The following ACBD6 variants were observed in gnomAD, a reference collection of about 807,000 sequenced individuals.
ACBD6 encodes acyl-CoA binding domain containing 6.
Under a neutral mutation model 37.2 loss-of-function variants are expected in ACBD6, and 28 were observed. The observed-to-expected ratio is 0.75, with a 90% CI of 0.56 to 1.03. ACBD6 has a LOEUF of 1.03. Among genes scored for constraint, ACBD6 ranks in the 50% least tolerant of loss-of-function variants. ACBD6 has a pLI of 0.00. For synonymous variants in ACBD6, 113 were observed against 126.8 expected (o/e 0.89, Z 0.73); for missense variants, 340 against 337.4 (o/e 1.01, Z -0.06).
chr1:180,273,873 C>T (rs1409178746), intron 11 of ACBD6: 2 of 400,408 alleles, frequency 5.0e-6, no homozygotes, highest in African/African-American at 4.1e-5. Flanking sequence ...CAGCCTTAGG[C>T]ATTCATCCTC....
In ACBD6 at chr1:180,433,061, G is replaced by T. The variant is rs560917610; in HGVS notation, c.385-2799C>A. On this transcript the variant is annotated intron_variant, in intron 3 of 7. Transcript: ENST00000367595. The stretch of plus-strand genomic sequence containing the variant: ...GAACACTTCTAACTCATTTTATGAG[G>T]TCTTATCCTCACATCAAAGCCAAAA... Among the ~76,000 whole-genome samples the T allele has an allele frequency of 6.6e-5, 10 of 152,150 alleles. No individual in the cohort carries two copies. The South Asian group carries it at 2.1e-3, about 32-fold the overall frequency.
chr1:180,296,114 T>G (rs927982270), intron 7 of ACBD6, among the ~76,000 whole-genome samples: 1 of 152,190 alleles, frequency 6.6e-6, no homozygotes, highest in Non-Finnish European at 1.5e-5. Flanking sequence ...AACAGCCTTA[T>G]TGCTGATTTA....
chr1:180,497,822 C>T (rs1034486523), intron 1 of ACBD6, among the ~76,000 whole-genome samples: 1 of 152,032 alleles, frequency 6.6e-6, no homozygotes, highest in African/African-American at 2.4e-5. Flanking sequence ...GAAGAAAATT[C>T]GGCTTCACGC....
downstream of ACBD6, among the ~76,000 whole-genome samples, chr1:180,284,684 T>C (rs1225430119): frequency 6.6e-6 from 1 of 152,092 alleles, no homozygotes; most frequent in East Asian, 1.9e-4. Context: ...TTAAGGTCTT[T>C]ATGGTATAAA....
rs1653533597 is a variant in ACBD6 at position 180,378,761 on chromosome 1, C to T, written c.663+18755G>A. On this transcript the variant is annotated intron_variant, in intron 6 of 7. Coordinates refer to ENST00000367595, the MANE Select transcript of ACBD6 (RefSeq NM_032360.4). The stretch of plus-strand genomic sequence containing the variant: ...GAGGTTGGGCCCACCCAGCCCACCA[C>T]TGCCACCATAGATGGCACCCCCCAG... Among the ~76,000 whole-genome samples, 3 of 152,188 alleles carry T rather than the reference C, an allele frequency of 2.0e-5. No homozygotes were observed. The South Asian group carries it at 6.2e-4, about 31-fold the overall frequency.
intron 4 of ACBD6, among the ~76,000 whole-genome samples, chr1:180,423,994 A>G (rs1332871970): frequency 6.6e-6 from 1 of 152,228 alleles, no homozygotes; most frequent in Admixed American, 6.5e-5. Flanking sequence ...TTACCAGGAA[A>G]GTACATTTTT....
rs1403607716 is a variant in ACBD6 at position 180,502,189 on chromosome 1, C to G, written c.78G>C (p.Gly26=). Residue 26 remains glycine (G), a synonymous_variant, in exon 1 of 8, where the codon GGG becomes GGC. Coordinates refer to ENST00000367595, the MANE Select transcript of ACBD6 (RefSeq NM_032360.4). ...CAGGGCTATGGGGGAACTCCACCTC[C>G]CCGGAGTCGTCCCCTGAGCTCAGCT... is the stretch of plus-strand genomic sequence containing the variant. ...GGELSSGDDS[G]EVEFPHSPEI... is the part of the protein sequence containing the mutation. 1.2e-6 allele frequency: 2 copies of G among 1,614,102 alleles called. No individual in the cohort carries two copies. Among genetic ancestry groups the G allele is most frequent in the East Asian group, 2.2e-5 (1 of 44,884 alleles).
chr1:180,303,289 AC>A (rs1650208834), intron 7 of ACBD6, among the ~76,000 whole-genome samples: 1 of 150,738 alleles, frequency 6.6e-6, no homozygotes, highest in African/African-American at 2.4e-5. Context: ...GACACAAAAA[AC>A]CCTTCAAAAA....
chr1:180,401,180 T>A (rs1218397279), intron 5 of ACBD6, among the ~76,000 whole-genome samples: 1 of 152,164 alleles, frequency 6.6e-6, no homozygotes, highest in Non-Finnish European at 1.5e-5. Flanking sequence ...CCACGAACAC[T>A]GGAGAGCCCT....
chr1:180,346,207 G>A (rs1245781349), intron 6 of ACBD6, among the ~76,000 whole-genome samples: 3 of 152,202 alleles, frequency 2.0e-5, no homozygotes, highest in Non-Finnish European at 4.4e-5. Flanking sequence ...ACTACATCGT[G>A]GAGTAATCTT....
chr1:180,468,016 A>C (rs941688000), intron 3 of ACBD6, among the ~76,000 whole-genome samples: 4 of 152,198 alleles, frequency 2.6e-5, no homozygotes, highest in African/African-American at 9.6e-5. Flanking sequence ...CAGAATATGA[A>C]GGATGAGAGG....
chr1:180,385,023 A>C (rs149783009), intron 6 of ACBD6, among the ~76,000 whole-genome samples: 221 of 152,294 alleles, frequency 1.5e-3, no homozygotes, highest in African/African-American at 5.0e-3. Context: ...GGAGGTAGTG[A>C]TGAAAAGAGT....
At chr1:180,295,062 A>G (rs149981093) in intron 7 of ACBD6, among the ~76,000 whole-genome samples, 2 of 152,160 alleles carry the variant, frequency 1.3e-5, no homozygotes, top group East Asian at 3.9e-4. Context: ...GATCTTTACA[A>G]ACAACCAGTT....
intron 6 of ACBD6, among the ~76,000 whole-genome samples, chr1:180,368,178 T>C (rs1653121176): frequency 6.6e-6 from 1 of 152,224 alleles, no homozygotes; most frequent in Non-Finnish European, 1.5e-5. Context: ...GTTGGCTTCA[T>C]GTATGTCTTC....
At chr1:180,303,332 A>G (rs1394902423) in intron 7 of ACBD6, among the ~76,000 whole-genome samples, 1 of 150,914 alleles carries the variant, frequency 6.6e-6, no homozygotes, top group African/African-American at 2.4e-5. Flanking sequence ...TTTTTTGAAA[A>G]GATCAACAAA....
At chr1:180,361,916 C>T (rs947303006) in intron 6 of ACBD6, among the ~76,000 whole-genome samples, 1 of 151,904 alleles carries the variant, frequency 6.6e-6, no homozygotes, top group African/African-American at 2.4e-5. Context: ...TCCCCCCACC[C>T]CCATTCAATA....
chr1:180,396,175 T>C (rs1401632330), intron 6 of ACBD6, among the ~76,000 whole-genome samples: 2 of 152,102 alleles, frequency 1.3e-5, no homozygotes, highest in Non-Finnish European at 2.9e-5. Flanking sequence ...TGTTTAATGG[T>C]TAGAGTTTCA....
chr1:180,392,372 T>C lies in ACBD6; in HGVS notation c.663+5144A>G, dbSNP rs918925486. On this transcript the variant is annotated intron_variant, in intron 6 of 7. Coordinates refer to ENST00000367595, the MANE Select transcript of ACBD6 (RefSeq NM_032360.4). ...TTTTAGACTTAATAATTTTAAATAA[T>C]GAAGAAAAAACTTTATGTACAATAT... Among the ~76,000 whole-genome samples the C allele has an allele frequency of 2.6e-5, 4 of 152,110 alleles. No individual in the cohort carries two copies. The East Asian group carries it at 5.8e-4, about 22-fold the overall frequency.
chr1:180,464,558 A>T (rs1650276629), intron 3 of ACBD6, among the ~76,000 whole-genome samples: 1 of 152,172 alleles, frequency 6.6e-6, no homozygotes, highest in Non-Finnish European at 1.5e-5. Context: ...ATGAAAAAAC[A>T]CCCCATGCTC....
Sources: gnomAD v4.1 joint callset for allele counts (sites outside exome capture counted in the v4.1 genomes callset) on GRCh38, gnomAD v4.1.1 for gene constraint, MANE v1.5 for transcripts, NCBI Gene and HGNC (gene_info 2026-07-23, HGNC 2026-07-21) for gene names.